RBFOX1: variants seen among roughly 807,000 people sequenced by gnomAD.
RBFOX1 encodes RNA binding protein fox-1 homolog 1.
Under a neutral mutation model 57.7 loss-of-function variants are expected in RBFOX1, and 8 were observed. That is an observed-to-expected ratio of 0.14 (90% CI 0.08 to 0.25). The LOEUF (loss-of-function observed/expected upper bound fraction) is 0.25. RBFOX1 is among the 10% of genes least tolerant of loss of function. The pLI is 1.00. For missense variants in RBFOX1, 611 were observed against 548.5 expected (o/e 1.11, Z -1.14); for synonymous variants, 326 against 222.4 (o/e 1.47, Z -4.15).
At chr16:5,884,563 G>C (rs2057850268) in intron 4 of RBFOX1, among the ~76,000 whole-genome samples, 1 of 151,838 alleles carries the variant, frequency 6.6e-6, no homozygotes, top group Non-Finnish European at 1.5e-5. Flanking sequence ...CTGCCCAATG[G>C]AAGGTGGGTA....
chr16:6,444,162 G>T (rs1174426510), intron 2 of RBFOX1, among the ~76,000 whole-genome samples: 1 of 152,158 alleles, frequency 6.6e-6, no homozygotes, highest in African/African-American at 2.4e-5. Flanking sequence ...GAAGTCAGGT[G>T]TGTTTCTTTA....
chr16:6,294,870 T>C (rs145344847), intron 1 of RBFOX1, among the ~76,000 whole-genome samples: 439 of 152,212 alleles, frequency 2.9e-3, no homozygotes, highest in African/African-American at 8.6e-3. Context: ...ATTTACACCG[T>C]TCCCTATCAT....
rs181608435 is a variant in RBFOX1 at position 6,949,637 on chromosome 16, A to C, written c.-15-102420A>C. Among the ~76,000 whole-genome samples the C allele has an allele frequency of 2.8e-3, 423 of 152,166 alleles. 18 individuals are homozygous for C. The highest frequency in any genetic ancestry group is 0.027 in the Admixed American group (418 of 15,278). On this transcript the variant is annotated intron_variant, in intron 3 of 15. Transcript: ENST00000550418. Reference sequence around the variant, plus strand: ...CTCTTTCTCTTTTTCTAAAAATGGCAGTCAAATTGGATTAAATCCCCAACC... The same window carrying C: ...CTCTTTCTCTTTTTCTAAAAATGGCCGTCAAATTGGATTAAATCCCCAACC...
chr16:6,748,152 T>C (rs141208883), intron 3 of RBFOX1, among the ~76,000 whole-genome samples: 1 of 152,156 alleles, frequency 6.6e-6, no homozygotes, highest in South Asian at 2.1e-4. Context: ...TATGGCATGA[T>C]TTACTAGCAT....
Position 6,148,009 on chromosome 16 carries a change from G to C in RBFOX1, c.-127+128017G>C, listed in dbSNP as rs147731924. 5.9e-5 allele frequency among the ~76,000 whole-genome samples: 9 copies of C among 152,282 alleles called. No individual in the cohort carries two copies. The East Asian group carries it at 9.7e-4, about 16-fold the overall frequency. On this transcript the variant is annotated intron_variant, in intron 1 of 15. Coordinates refer to ENST00000550418, the MANE Select transcript of RBFOX1 (RefSeq NM_018723.4). The stretch of plus-strand genomic sequence containing the variant: ...GTTGCCATTCTCAGACCCTCCCTTT[G>C]GCAGAAGCCAAAGGCTGGTTTCTAA...
chr16:7,427,192 C>T (rs975522595), intron 4 of RBFOX1, among the ~76,000 whole-genome samples: 6 of 152,028 alleles, frequency 3.9e-5, no homozygotes, highest in Non-Finnish European at 8.8e-5. Flanking sequence ...TGCAGCACAC[C>T]AACATGGCAC....
chr16:7,100,403 C>T (rs948401734), intron 4 of RBFOX1, among the ~76,000 whole-genome samples: 20 of 152,050 alleles, frequency 1.3e-4, no homozygotes, highest in African/African-American at 3.1e-4. Context: ...ACATTTTTGA[C>T]GTATTTCCTC....
intron 3 of RBFOX1, among the ~76,000 whole-genome samples, chr16:5,632,076 C>G (rs2048528640): frequency 6.6e-6 from 1 of 152,226 alleles, no homozygotes; most frequent in South Asian, 2.1e-4. Context: ...AAGGAGGGCA[C>G]AGAGGTACCA....
At chr16:5,266,158 A>C (rs1475191384) in intron 1 of RBFOX1, among the ~76,000 whole-genome samples, 1 of 152,146 alleles carries the variant, frequency 6.6e-6, no homozygotes, top group Non-Finnish European at 1.5e-5. Context: ...AAGAGCAGAT[A>C]CTGTGTGATT....
intron 4 of RBFOX1, among the ~76,000 whole-genome samples, chr16:5,919,116 A>G (rs936675027): frequency 2.0e-5 from 3 of 152,132 alleles, no homozygotes; most frequent in Admixed American, 6.5e-5. Flanking sequence ...TACCTGGAAA[A>G]TTGGTTGTGG....
At chr16:7,036,734 G>GA (rs869242850) in intron 3 of RBFOX1, among the ~76,000 whole-genome samples, 25 of 51,670 alleles carry the variant, frequency 4.8e-4, no homozygotes, top group African/African-American at 6.8e-4. Flanking sequence ...AACAAACAAA[G>GA]AAAAAAAAAA....
chr16:6,362,973 G>A (rs914754424), intron 2 of RBFOX1, among the ~76,000 whole-genome samples: 5 of 152,136 alleles, frequency 3.3e-5, no homozygotes, highest in Non-Finnish European at 4.4e-5. Context: ...TGCCACCTGG[G>A]AACCACCTCC....
At position 7,505,034 on chromosome 16, in the gene RBFOX1, C is replaced by T. The variant is rs1001527582; in HGVS notation, c.28-13113C>T. Among the ~76,000 whole-genome samples the T allele has an allele frequency of 4.0e-5, 6 of 150,688 alleles. No individual in the cohort carries two copies. The East Asian group carries it at 6.0e-4, about 15-fold the overall frequency. On this transcript the variant is annotated intron_variant, in intron 4 of 15. Transcript: ENST00000550418. ...AACTTTTTTCAGTAATGCAGGGCAA[C>T]GGTGGATGGTTTTGACCTTGCTCTC...
intron 3 of RBFOX1, among the ~76,000 whole-genome samples, chr16:6,805,378 G>T (rs1044059632): frequency 2.0e-5 from 3 of 152,112 alleles, no homozygotes; most frequent in African/African-American, 7.2e-5. Context: ...GCAGACTTTG[G>T]GGTCTCCTGG....
At chr16:6,639,133 A>G (rs12599097) in intron 2 of RBFOX1, among the ~76,000 whole-genome samples, 39,725 of 152,088 alleles carry the variant, frequency 0.26, 5,484 homozygotes, top group Admixed American at 0.31. Context: ...ACTCAATAGG[A>G]TGCATAAGAA....
chr16:5,494,043 A>T (rs1162799079), intron 2 of RBFOX1, among the ~76,000 whole-genome samples: 1 of 152,198 alleles, frequency 6.6e-6, no homozygotes, highest in Non-Finnish European at 1.5e-5. Context: ...TTACTTCTTA[A>T]TGGAGCAGGA....
intron 2 of RBFOX1, among the ~76,000 whole-genome samples, chr16:5,515,060 C>A (rs1184547544): frequency 6.6e-6 from 1 of 152,156 alleles, no homozygotes; most frequent in African/African-American, 2.4e-5. Context: ...ACAACCAACT[C>A]TCTAATGAAT....
At chr16:6,524,702 C>G (rs559885256) in intron 2 of RBFOX1, among the ~76,000 whole-genome samples, 1 of 152,150 alleles carries the variant, frequency 6.6e-6, no homozygotes, top group East Asian at 1.9e-4. Context: ...GGGCCATGCT[C>G]CCTGTGAGGG....
intron 1 of RBFOX1, among the ~76,000 whole-genome samples, chr16:5,463,941 G>A (rs2068874972): frequency 1.3e-5 from 2 of 152,196 alleles, no homozygotes; most frequent in African/African-American, 4.8e-5. Context: ...AACAAAGAGA[G>A]GTGTCCAGCA....
Sources: allele counts gnomAD v4.1 joint callset (sites outside exome capture counted in the v4.1 genomes callset), GRCh38; gene constraint gnomAD v4.1.1; transcripts MANE v1.5; gene names NCBI Gene and HGNC (gene_info 2026-07-23, HGNC 2026-07-21).